The following C3orf20 variants were observed in gnomAD, a reference collection of about 807,000 sequenced individuals.
The protein encoded by C3orf20 is uncharacterized protein C3orf20.
A neutral mutation model predicts 88.3 loss-of-function variants in C3orf20; 76 were observed. The ratio of observed to expected loss-of-function variants is 0.86; its 90% confidence interval spans 0.72 to 1.04. The LOEUF is 1.04. C3orf20 is among the 50% of genes least tolerant of loss of function. C3orf20 has a pLI of 0.00. For synonymous variants in C3orf20, 436 were observed against 437.4 expected (o/e 1.00, Z 0.04); for missense variants, 1,056 against 1,123.3 (o/e 0.94, Z 0.86).
At chr3:14,763,927 A>T (rs753905709) in intron 15 of C3orf20, among the ~76,000 whole-genome samples, 2 of 152,238 alleles carry the variant, frequency 1.3e-5, no homozygotes, top group African/African-American at 2.4e-5. Flanking sequence ...TGGTATGCTT[A>T]CAACAGTCTT....
chr3:14,721,562 A>G (rs1223422991), intron 9 of C3orf20, 91 bp from the exon 10 acceptor site: 4 of 1,535,090 alleles, frequency 2.6e-6, no homozygotes, highest in African/African-American at 1.4e-5. Context: ...GCCCCAAGCC[A>G]ACAGGGGCTT....
At position 14,683,060 on chromosome 3, in the gene C3orf20, G is replaced by C. The variant is rs746325194; in HGVS notation, c.347G>C (p.Arg116Pro). Residue 116 changes from arginine (R) to proline (P), a missense_variant, in exon 3 of 17, where the codon CGC (arginine) becomes CCC (proline). Physicochemically the swap from Arg to Pro is moderately radical, Grantham distance 103. Transcript: ENST00000253697. ...VLLATTGAAK[R>P]STLSPTMARQ... is the part of the protein sequence containing the mutation. ...CTGGCAACCACTGGGGCAGCCAAGC[G>C]CTCCACCCTCTCTCCCACCATGGCC... The C allele has an allele frequency of 1.9e-6, 3 of 1,611,068 alleles. No homozygotes were observed. Among genetic ancestry groups the C allele is most frequent in the Non-Finnish European group, 2.5e-6 (3 of 1,178,560 alleles).
At chr3:14,708,363 C>G (rs922564708) in intron 7 of C3orf20, among the ~76,000 whole-genome samples, 3 of 152,030 alleles carry the variant, frequency 2.0e-5, no homozygotes, top group Non-Finnish European at 2.9e-5. Flanking sequence ...TTTGGACTGT[C>G]AATTCTAAGC....
chr3:14,694,389 T>C (rs1430464388), intron 5 of C3orf20, among the ~76,000 whole-genome samples: 3 of 152,174 alleles, frequency 2.0e-5, no homozygotes, highest in Non-Finnish European at 4.4e-5. Flanking sequence ...TGTTCAGGTT[T>C]TGGATTTCTT....
chr3:14,751,962 A>G (rs766326204), intron 12 of C3orf20, among the ~76,000 whole-genome samples: 2 of 152,210 alleles, frequency 1.3e-5, no homozygotes, highest in Non-Finnish European at 2.9e-5. Context: ...GACTTTCTTC[A>G]CAGAATTGGA....
At chr3:14,731,544 A>G (rs568709417) in intron 12 of C3orf20, among the ~76,000 whole-genome samples, 1 of 152,338 alleles carries the variant, frequency 6.6e-6, no homozygotes, top group East Asian at 1.9e-4. Context: ...GGACACACCT[A>G]GCATGCTCCT....
At chr3:14,759,761 A>G (rs1378238948) in intron 13 of C3orf20, 130 bp from the exon 14 acceptor site, 1 of 703,558 alleles carries the variant, frequency 1.4e-6, no homozygotes, top group East Asian at 2.7e-5. Flanking sequence ...CTGGAGCAGG[A>G]GGAGTTGGGG....
At chr3:14,727,909 G>A (rs976451491) in intron 11 of C3orf20, among the ~76,000 whole-genome samples, 2 of 152,062 alleles carry the variant, frequency 1.3e-5, no homozygotes, top group African/African-American at 4.8e-5. Context: ...TCTGTCTTGG[G>A]GTGCCTCTGC....
At chr3:14,739,295 A>G in intron 12 of C3orf20, among the ~76,000 whole-genome samples, 1 of 152,198 alleles carries the variant, frequency 6.6e-6, no homozygotes, top group Non-Finnish European at 1.5e-5. Flanking sequence ...AAAAATAATA[A>G]TCTTGTACAT....
At chr3:14,678,412 G>C (rs962176140) in intron 1 of C3orf20, among the ~76,000 whole-genome samples, 1 of 152,156 alleles carries the variant, frequency 6.6e-6, no homozygotes, top group African/African-American at 2.4e-5. Context: ...TCCTTCTCTG[G>C]GTTTCCATTC....
intron 11 of C3orf20, among the ~76,000 whole-genome samples, 175 bp downstream of exon 11, chr3:14,727,199 T>C (rs1401108928): frequency 6.6e-6 from 1 of 152,154 alleles, no homozygotes; most frequent in Non-Finnish European, 1.5e-5. Context: ...CCCACTGGGC[T>C]CAGGTCACTT....
chr3:14,728,491 G>GA lies in C3orf20; in HGVS notation c.1743_1744insA (p.Phe582IlefsTer42). The GA allele has an allele frequency of 6.2e-7, 1 of 1,614,182 alleles. No homozygotes were observed. Among genetic ancestry groups the GA allele is most frequent in the Non-Finnish European group, 8.5e-7 (1 of 1,180,032 alleles). The stretch of plus-strand genomic sequence containing the variant: ...AAAAGGAGGAGGAAGAATTTGTTCG[G>GA]TTCAAGATGAGATCCAGAACTCATC... On this transcript the variant is annotated frameshift_variant, in exon 12 of 17. Transcript: ENST00000253697. LOFTEE classifies it high-confidence loss of function.
At chr3:14,743,724 T>C (rs1286162543) in intron 12 of C3orf20, among the ~76,000 whole-genome samples, 1 of 152,042 alleles carries the variant, frequency 6.6e-6, no homozygotes, top group Non-Finnish European at 1.5e-5. Context: ...ACCTCAATTC[T>C]TCACTTCTGT....
intron 12 of C3orf20, among the ~76,000 whole-genome samples, chr3:14,733,008 C>T (rs2034588250): frequency 6.6e-6 from 1 of 152,078 alleles, no homozygotes; most frequent in Non-Finnish European, 1.5e-5. Flanking sequence ...TTTCTAGACT[C>T]TGTTTTGTTA....
chr3:14,764,522 G>A (rs1456243732), intron 15 of C3orf20, among the ~76,000 whole-genome samples: 2 of 150,134 alleles, frequency 1.3e-5, no homozygotes, highest in Non-Finnish European at 2.9e-5. Flanking sequence ...TGTTGTTGTT[G>A]TTGTTGTTGT....
rs757828816 is a variant in C3orf20 at position 14,704,372 on chromosome 3, T to C, written c.914T>C (p.Ile305Thr). 4.4e-5 allele frequency: 71 copies of C among 1,613,840 alleles called. No homozygotes were observed. The highest frequency in any genetic ancestry group is 5.6e-5 in the Non-Finnish European group (66 of 1,180,000). The part of the protein sequence containing the change: ...AERATWKGRN[I>T]SYPMILRNYK... ...AGGGCCACATGGAAAGGGAGGAATA[T>C]CTCCTACCCCATGATCTTACGAAAC... is the stretch of plus-strand genomic sequence containing the variant. The change falls in exon 7 of 17, where the codon ATC becomes ACC. Residue 305 changes from isoleucine to threonine, a missense_variant. Coordinates refer to ENST00000253697, the MANE Select transcript of C3orf20 (RefSeq NM_032137.5).
chr3:14,764,090 G>T (rs1471246988), intron 15 of C3orf20, among the ~76,000 whole-genome samples: 2 of 151,850 alleles, frequency 1.3e-5, no homozygotes, highest in East Asian at 1.9e-4. Context: ...TTAGATTCCT[G>T]CACTTACTAG....
chr3:14,719,592 G>A (rs1333194646), intron 9 of C3orf20, among the ~76,000 whole-genome samples: 1 of 152,194 alleles, frequency 6.6e-6, no homozygotes, highest in African/African-American at 2.4e-5. Context: ...CTGACCTAGG[G>A]TGAGAGACTG....
At chr3:14,732,703 A>C (rs1183644606) in intron 12 of C3orf20, among the ~76,000 whole-genome samples, 1 of 152,234 alleles carries the variant, frequency 6.6e-6, no homozygotes, top group East Asian at 1.9e-4. Flanking sequence ...CAATGCACAA[A>C]ACAGCTCCAC....
Sources: allele counts gnomAD v4.1 joint callset (sites outside exome capture counted in the v4.1 genomes callset), GRCh38; gene constraint gnomAD v4.1.1; transcripts MANE v1.5; gene names NCBI Gene and HGNC (gene_info 2026-07-23, HGNC 2026-07-21).